FSCN2: variants seen among roughly 807,000 people sequenced by gnomAD.
The protein encoded by FSCN2 is fascin actin-bundling protein 2, retinal, also known as fascin-2.
Under a neutral mutation model 37.8 loss-of-function variants are expected in FSCN2, and 46 were observed. That is an observed-to-expected ratio of 1.22 (90% CI 0.96 to 1.56). The LOEUF (loss-of-function observed/expected upper bound fraction) is 1.56, where lower values mean the gene tolerates loss of function less well. FSCN2 is among the 40% of genes most tolerant of loss of function. The pLI is 0.00. For synonymous variants in FSCN2, 351 were observed against 309.4 expected (o/e 1.13, Z -1.41); for missense variants, 844 against 730.4 (o/e 1.16, Z -1.79).
chr17:81,531,540 A>ATGGCGATGGTGG (rs2032603306), intron 1 of FSCN2, among the ~76,000 whole-genome samples: 1 of 96,764 alleles, frequency 1.0e-5, no homozygotes, highest in Non-Finnish European at 2.1e-5. Flanking sequence ...GATGGTGGTG[A>ATGGCGATGGTGG]TGATGGTGAT....
chr17:81,536,248 G>C lies in FSCN2; in HGVS notation c.1086G>C (p.Ala362=). ...YVCMKKNGQL[A]AISDFVGKDE... is the part of the protein sequence containing the mutation. ...GCATGAAGAAGAATGGGCAGCTGGC[G>C]GCTATCAGCGATTTTGTCGGTGAGC... The change falls in exon 3 of 5, where the codon GCG becomes GCC. Residue 362 remains alanine, a synonymous_variant. Transcript: ENST00000417245. 6.2e-7 allele frequency: 1 copy of C among 1,600,528 alleles called. No individual in the cohort carries two copies. The highest frequency in any genetic ancestry group is 8.5e-7 in the Non-Finnish European group (1 of 1,174,464).
rs34797307 is a variant in FSCN2 at position 81,529,263 on chromosome 17, G to A, written c.732G>A (p.Thr244=). ...GCACCCTCAAGGCCGGCCGAAACAC[G>A]CGACCTGGCAAGGATGAGCTCTTTG... ...PAGTLKAGRN[T]RPGKDELFDL... The change falls in exon 1 of 5, where the codon ACG becomes ACA. Residue 244 remains threonine, a synonymous_variant. Coordinates refer to ENST00000417245, the MANE Select transcript of FSCN2 (RefSeq NM_012418.4). 5.3e-3 allele frequency: 8,418 copies of A among 1,595,240 alleles called. 309 individuals carry two copies. In the Admixed American group the frequency reaches 0.075, roughly 14 times the overall value.
At chr17:81,515,498 G>T in the FSCN2 span, among the ~76,000 whole-genome samples, 1 of 152,264 alleles carries the variant, frequency 6.6e-6, no homozygotes, top group Non-Finnish European at 1.5e-5. Context: ...GGTTTTGATG[G>T]CTTTTTATCA....
At position 81,532,131 on chromosome 17, in the gene FSCN2, GTGATGGTGA is replaced by G. The variant is rs1251570169; in HGVS notation, c.826+2786_826+2794del. Among the ~76,000 whole-genome samples, 10 of 117,734 alleles carry G rather than the reference GTGATGGTGA, an allele frequency of 8.5e-5. No individual in the cohort carries two copies. In the East Asian group the frequency reaches 1.1e-3, roughly 13 times the overall value. 77.2% of individuals were successfully genotyped at this position (117,734 alleles called of 152,430 possible). On this transcript the variant is annotated intron_variant, in intron 1 of 4. Transcript: ENST00000417245. Reference sequence around the variant, plus strand: ...AGTGATGGCGATGATGGTGATGATAGTGATGGTGATGATGGTGATGGTGATGATGATGGT... The same window carrying G: ...AGTGATGGCGATGATGGTGATGATAGTGATGGTGATGGTGATGATGATGGT...
At chr17:81,530,912 C>CG (rs76061380) in intron 1 of FSCN2, among the ~76,000 whole-genome samples, 131,595 of 152,304 alleles carry the variant, frequency 0.86, 56,920 homozygotes, top group East Asian at 0.93. Flanking sequence ...GGGCCCAGGC[C>CG]GGGCATGTGG....
chr17:81,529,191 C>A lies in FSCN2; in HGVS notation c.660C>A (p.Ala220=). 6.3e-7 allele frequency: 1 copy of A among 1,596,222 alleles called. No individual in the cohort carries two copies. Among genetic ancestry groups the A allele is most frequent in the Non-Finnish European group, 8.5e-7 (1 of 1,172,612 alleles). Residue 220 remains alanine, a synonymous_variant, in exon 1 of 5, where the codon GCC becomes GCA. Coordinates refer to ENST00000417245, the MANE Select transcript of FSCN2 (RefSeq NM_012418.4). ...TGGAGTTCAAGGCGGGCAAGCTGGCCTTCAAGGACTGCGACGGCCACTACC... is the reference window on the plus strand; with the variant it reads ...TGGAGTTCAAGGCGGGCAAGCTGGCATTCAAGGACTGCGACGGCCACTACC... The part of the protein sequence containing the change: ...YTLEFKAGKL[A]FKDCDGHYLA...
At chr17:81,529,389 G>A in intron 1 of FSCN2, 32 bp downstream of exon 1, 1 of 1,490,728 alleles carries the variant, frequency 6.7e-7, no homozygotes, top group Non-Finnish European at 9.1e-7. Flanking sequence ...ACCTCCTGAG[G>A]GGTGCTGGGA....
In FSCN2 at chr17:81,531,468, GTGGTGGTGGTGATGGTGATGA is replaced by G. The variant is rs2032590533; in HGVS notation, c.826+2117_826+2137del. On this transcript the variant is annotated intron_variant, in intron 1 of 4. Transcript: ENST00000417245. The stretch of plus-strand genomic sequence containing the variant: ...GATGGTGGTGGTGATGGTGATGATG[GTGGTGGTGGTGATGGTGATGA>G]TGGTGATGGTGATGGTGGTGATGGT... Among the ~76,000 whole-genome samples, 4 of 116,466 alleles carry G rather than the reference GTGGTGGTGGTGATGGTGATGA, an allele frequency of 3.4e-5. No homozygotes were observed. The South Asian group carries it at 1.2e-3, about 34-fold the overall frequency. 76.4% of individuals were successfully genotyped at this position (116,466 alleles called of 152,430 possible).
upstream of FSCN2, among the ~76,000 whole-genome samples, chr17:81,526,101 G>A (rs56280538): frequency 9.2e-5 from 14 of 152,314 alleles, 1 homozygote; most frequent in South Asian, 4.1e-4. Flanking sequence ...AGTGCCGGGC[G>A]GCCAGGCTTC....
chr17:81,529,363 G>A lies in FSCN2; in HGVS notation c.826+6G>A, dbSNP rs1555670852. ...CTACGTCTCTGTGCGGCAAGGTAGGGAGGGCACAGGTGGCGACCTCCTGAG... is the reference window on the plus strand; with the variant it reads ...CTACGTCTCTGTGCGGCAAGGTAGGAAGGGCACAGGTGGCGACCTCCTGAG... On this transcript the variant is annotated splice_donor_region_variant and intron_variant, in intron 1 of 4. Transcript: ENST00000417245. The A allele has an allele frequency of 2.6e-6, 4 of 1,533,170 alleles. No homozygotes were observed. Among genetic ancestry groups the A allele is most frequent in the Non-Finnish European group, 2.6e-6 (3 of 1,138,516 alleles). 95.0% of individuals were successfully genotyped at this position (1,533,170 alleles called of 1,614,324 possible).
intron 1 of FSCN2, among the ~76,000 whole-genome samples, chr17:81,529,882 T>C (rs2032492158): frequency 6.6e-6 from 1 of 152,268 alleles, no homozygotes; most frequent in Non-Finnish European, 1.5e-5. Flanking sequence ...TGATCTCGGC[T>C]CACTGCAAGC....
chr17:81,515,374 C>G, the FSCN2 span, among the ~76,000 whole-genome samples: 1 of 152,162 alleles, frequency 6.6e-6, no homozygotes. Context: ...GCCTCCGGAG[C>G]CGGGAGAGTC....
chr17:81,531,852 ATGGTGG>A (rs796601510), intron 1 of FSCN2, among the ~76,000 whole-genome samples: 1 of 96,936 alleles, frequency 1.0e-5, no homozygotes, highest in Non-Finnish European at 1.9e-5. Flanking sequence ...GGTGATGGTG[ATGGTGG>A]TGATGGCGAT....
In FSCN2 at chr17:81,537,125, C is replaced by T; in HGVS notation, c.*45C>T. 1.0e-5 allele frequency: 14 copies of T among 1,340,794 alleles called. No homozygotes were observed. The highest frequency in any genetic ancestry group is 1.3e-5 in the Non-Finnish European group (14 of 1,038,346). 83.1% of individuals were successfully genotyped at this position (1,340,794 alleles called of 1,614,324 possible). On this transcript the variant is annotated 3_prime_UTR_variant, in exon 5 of 5. Coordinates refer to ENST00000417245, the MANE Select transcript of FSCN2 (RefSeq NM_012418.4). ...TGTCGCGCATTAAAACCGTGTCTCT[C>T]CCGCAGCTGTGGGTGGGCCCCGGGG...
rs939664546 is a variant in FSCN2, at chr17:81,528,452, G to C, written c.-80G>C. 1 of 1,113,174 alleles carries C rather than the reference G, an allele frequency of 9.0e-7. No individual in the cohort carries two copies. 69.0% of individuals were successfully genotyped at this position (1,113,174 alleles called of 1,614,324 possible). On this transcript the variant is annotated 5_prime_UTR_variant, in exon 1 of 5. Transcript: ENST00000417245. ...GGCTGTGGGCCAGCCGAGCCGACCCGGGCTTCTGGGGGACCGCGGGGGCCG... is the reference window on the plus strand; with the variant it reads ...GGCTGTGGGCCAGCCGAGCCGACCCCGGCTTCTGGGGGACCGCGGGGGCCG...
upstream of FSCN2, among the ~76,000 whole-genome samples, chr17:81,526,847 C>T (rs782417071): frequency 4.6e-5 from 7 of 152,090 alleles, no homozygotes; most frequent in Admixed American, 1.3e-4. Context: ...GACCTGGTTT[C>T]GCACACAGTT....
chr17:81,518,295 A>G, the FSCN2 span, among the ~76,000 whole-genome samples: 25 of 152,150 alleles, frequency 1.6e-4, no homozygotes, highest in African/African-American at 5.8e-4. Context: ...TCTCTGCCCT[A>G]GAGCATTGGT....
chr17:81,527,958 CTG>C (rs2032400705), upstream of FSCN2, among the ~76,000 whole-genome samples: 1 of 152,208 alleles, frequency 6.6e-6, no homozygotes, highest in Non-Finnish European at 1.5e-5. Context: ...GAAGCAGTAA[CTG>C]GATCCAGCTG....
the FSCN2 span, among the ~76,000 whole-genome samples, chr17:81,520,168 C>G: frequency 6.6e-6 from 1 of 152,124 alleles, no homozygotes; most frequent in African/African-American, 2.4e-5. Context: ...AGAGGGGGCA[C>G]TGCCGGACAG....
Sources: allele counts gnomAD v4.1 joint callset (sites outside exome capture counted in the v4.1 genomes callset), GRCh38; gene constraint gnomAD v4.1.1; transcripts MANE v1.5; gene names NCBI Gene and HGNC (gene_info 2026-07-23, HGNC 2026-07-21).